TRMT61A: variants seen among roughly 807,000 people sequenced by gnomAD.
TRMT61A encodes tRNA (adenine(58)-N(1))-methyltransferase catalytic subunit TRMT61A.
Under a neutral mutation model 21.3 loss-of-function variants are expected in TRMT61A, and 15 were observed. The ratio of observed to expected loss-of-function variants is 0.70; its 90% CI spans 0.47 to 1.08. The LOEUF is 1.08. TRMT61A is among the 50% of genes least tolerant of loss of function. The pLI, the probability that TRMT61A is intolerant of heterozygous loss-of-function variation, is 0.00. For missense variants in TRMT61A, 352 were observed against 426.7 expected (o/e 0.83, Z 1.54); for synonymous variants, 183 against 185.5 (o/e 0.99, Z 0.11).
Position 103,534,619 on chromosome 14 carries a change from G to A in TRMT61A, c.668G>A (p.Arg223His), listed in dbSNP as rs199930951. 2.7e-5 allele frequency: 44 copies of A among 1,606,812 alleles called. No homozygotes were observed. In the Middle Eastern group the frequency reaches 5.0e-4, roughly 18 times the overall value. ...VQRTCQALAA[R>H]GFSELSTLEV... Reference sequence around the variant, plus strand: ...CGCACATGCCAGGCGCTGGCAGCGCGCGGCTTCTCAGAGCTGAGCACCCTG... The same window carrying A: ...CGCACATGCCAGGCGCTGGCAGCGCACGGCTTCTCAGAGCTGAGCACCCTG... Residue 223 changes from arginine to histidine, a missense_variant, in exon 4 of 4, where the codon CGC becomes CAC. Transcript: ENST00000389749.
intron 2 of TRMT61A, among the ~76,000 whole-genome samples, chr14:103,532,204 T>A: frequency 6.6e-6 from 1 of 151,894 alleles, no homozygotes. Flanking sequence ...CAGGGCTGAG[T>A]GATGGGATGG....
intron 2 of TRMT61A, 92 bp from the exon 3 acceptor site, chr14:103,532,490 T>A: frequency 6.7e-7 from 1 of 1,489,590 alleles, no homozygotes; most frequent in South Asian, 1.2e-5. Context: ...CCTGTGTGGG[T>A]CTCCAGGGTG....
Position 103,532,601 on chromosome 14 carries a change from G to A in TRMT61A, c.351G>A (p.Val117=), listed in dbSNP as rs1396298936. The change falls in exon 3 of 4, where the codon GTG becomes GTA. Residue 117 remains valine, a synonymous_variant. Coordinates refer to ENST00000389749, the MANE Select transcript of TRMT61A (RefSeq NM_152307.3). ...TGCCAGGCACCGGCAGTGGCTCTGT[G>A]TCCCACGCCATCATCCGCACCATTG... ...VCESGTGSGS[V]SHAIIRTIAP... 1.2e-6 allele frequency: 2 copies of A among 1,613,266 alleles called. No individual in the cohort carries two copies. Among genetic ancestry groups the A allele is most frequent in the African/African-American group, 1.3e-5 (1 of 74,938 alleles).
chr14:103,534,702 G>C lies in TRMT61A; in HGVS notation c.751G>C (p.Gly251Arg), dbSNP rs1378467886. The C allele has an allele frequency of 3.1e-6, 5 of 1,607,612 alleles. No individual in the cohort carries two copies. The highest frequency in any genetic ancestry group is 3.4e-6 in the Non-Finnish European group (4 of 1,179,322). The part of the protein sequence containing the change: ...RTVSLPPPDL[G>R]TGTDGPAGSD... ...TGTCAGCCTGCCACCGCCCGACCTGGGCACAGGCACAGATGGCCCTGCCGG... is the reference window on the plus strand; with the variant it reads ...TGTCAGCCTGCCACCGCCCGACCTGCGCACAGGCACAGATGGCCCTGCCGG... Residue 251 changes from glycine to arginine, a missense_variant, in exon 4 of 4, where the codon GGC (glycine) becomes CGC (arginine). Gly to Arg is a moderately radical substitution (Grantham distance 125). Transcript: ENST00000389749.
In TRMT61A at chr14:103,534,819, TA is replaced by T; in HGVS notation, c.869del (p.Ter290TrpfsTer14). 6.5e-7 allele frequency: 1 copy of T among 1,546,050 alleles called. No homozygotes were observed. Among genetic ancestry groups the T allele is most frequent in the East Asian group, 2.4e-5 (1 of 42,132 alleles). ...GACCTTCGCCACCAAGACCCCAGGC[TA>T]GGGGGCCGCCTCCCAGGGCACCAGG... is the stretch of plus-strand genomic sequence containing the variant. ...YLTFATKTPG[*>X] is the part of the protein sequence containing the mutation. On this transcript the variant is annotated frameshift_variant and stop_lost, in exon 4 of 4. Coordinates refer to ENST00000389749, the MANE Select transcript of TRMT61A (RefSeq NM_152307.3). LOFTEE classifies it high-confidence loss of function.
In TRMT61A at chr14:103,535,079, C is replaced by G; in HGVS notation, c.*258C>G. 1.5e-6 allele frequency: 1 copy of G among 687,134 alleles called. No individual in the cohort carries two copies. Among genetic ancestry groups the G allele is most frequent in the Non-Finnish European group, 2.7e-6 (1 of 375,798 alleles). 42.6% of individuals were successfully genotyped at this position (687,134 alleles called of 1,614,324 possible). On this transcript the variant is annotated 3_prime_UTR_variant, in exon 4 of 4. Transcript: ENST00000389749. ...GTTTGTTGCCAATATGAAGTATCCA[C>G]TGCCACAGGCTCCCCTGGGTGTTGA...
rs113672343 is a variant in TRMT61A, at chr14:103,534,513, C to T, written c.599-37C>T. 227 of 1,529,960 alleles carry T rather than the reference C, an allele frequency of 1.5e-4. 4 individuals carry two copies. In the African/African-American group the frequency reaches 2.8e-3, roughly 19 times the overall value. The allele number at this position is 1,529,960 out of a possible 1,614,324, so 94.8% of individuals were successfully genotyped here. A position where few individuals can be genotyped will look rare whatever the true frequency, so the allele number is the denominator to read the frequency against. ...GGGCCAGACGGGCCAGGCTCTGCCA[C>T]CCCTGCCCTCTGACCCTCGGGTCCT... is the stretch of plus-strand genomic sequence containing the variant. On this transcript the variant is annotated intron_variant, in intron 3 of 3. Coordinates refer to ENST00000389749, the MANE Select transcript of TRMT61A (RefSeq NM_152307.3).
chr14:103,535,546 G>C lies in TRMT61A; in HGVS notation c.*725G>C, dbSNP rs141032191. 2,591 of 338,054 alleles carry C rather than the reference G, an allele frequency of 7.7e-3. 57 individuals are homozygous for C. Among genetic ancestry groups the C allele is most frequent in the African/African-American group, 0.051 (2,365 of 46,202 alleles). 20.9% of individuals were successfully genotyped at this position (338,054 alleles called of 1,614,324 possible). On this transcript the variant is annotated 3_prime_UTR_variant, in exon 4 of 4. Transcript: ENST00000389749. Reference sequence around the variant, plus strand: ...GGCAGCGCTGCGGAGAGGAGCGGCAGAGTGGGTTGTCTGCCGCAGGCAACC... The same window carrying C: ...GGCAGCGCTGCGGAGAGGAGCGGCACAGTGGGTTGTCTGCCGCAGGCAACC...
At position 103,532,844 on chromosome 14, in the gene TRMT61A, C is replaced by T. The variant is rs563404267; in HGVS notation, c.594C>T (p.Val198=). ...GCCACGCCTGGGACGCCCTCAAGGTCGAAGGTGCATCCGGGGTTCCGGGAG... is the reference window on the plus strand; with the variant it reads ...GCCACGCCTGGGACGCCCTCAAGGTTGAAGGTGCATCCGGGGTTCCGGGAG... ...AVGHAWDALK[V]EGGRFCSFSP... The change falls in exon 3 of 4, where the codon GTC becomes GTT. Residue 198 remains valine, a synonymous_variant. Coordinates refer to ENST00000389749, the MANE Select transcript of TRMT61A (RefSeq NM_152307.3). 1.2e-5 allele frequency: 19 copies of T among 1,542,416 alleles called. No individual in the cohort carries two copies. Among genetic ancestry groups the T allele is most frequent in the African/African-American group, 8.2e-5 (6 of 72,816 alleles).
In TRMT61A at chr14:103,530,248, AGACATCGCC is replaced by A; in HGVS notation, c.271_279del (p.Asp91_Ala93del). The A allele has an allele frequency of 6.2e-7, 1 of 1,608,400 alleles. No individual in the cohort carries two copies. Among genetic ancestry groups the A allele is most frequent in the South Asian group, 1.1e-5 (1 of 90,974 alleles). On this transcript the variant is annotated inframe_deletion, in exon 2 of 4. Transcript: ENST00000389749. ...ACCGCACGCAGATCCTCTACTCCAC[AGACATCGCC>A]CTCATCACCATGATGTTGGAGCTTC...
chr14:103,534,912 C>A lies in TRMT61A; in HGVS notation c.*91C>A. ...ACCTTATATGGTCAGCGATGCCTGC[C>A]AGACACAGACGGTGGGGTGGGGCTT... is the stretch of plus-strand genomic sequence containing the variant. On this transcript the variant is annotated 3_prime_UTR_variant, in exon 4 of 4. Transcript: ENST00000389749. 6.7e-7 allele frequency: 1 copy of A among 1,492,988 alleles called. No individual in the cohort carries two copies. The highest frequency in any genetic ancestry group is 1.2e-5 in the South Asian group (1 of 82,498). The allele number at this position is 1,492,988 out of a possible 1,614,324, so 92.5% of individuals were successfully genotyped here. A position where few individuals can be genotyped will look rare whatever the true frequency, so the allele number is the denominator to read the frequency against.
rs1230227834 is a variant in TRMT61A at position 103,530,162 on chromosome 14, C to A, written c.184C>A (p.Arg62=). ...RPFGSKVTCG[R]GGWVYVLHPT... ...CTTCGGCTCCAAGGTGACGTGCGGC[C>A]GAGGTGGCTGGGTGTATGTGCTGCA... The change falls in exon 2 of 4, where the codon CGA becomes AGA. Residue 62 remains arginine, a synonymous_variant. Coordinates refer to ENST00000389749, the MANE Select transcript of TRMT61A (RefSeq NM_152307.3). 6.2e-7 allele frequency: 1 copy of A among 1,612,804 alleles called. No homozygotes were observed.
rs1427063783 is a variant in TRMT61A, at chr14:103,535,088, G to A, written c.*267G>A. The A allele has an allele frequency of 1.5e-6, 1 of 678,464 alleles. No homozygotes were observed. Among genetic ancestry groups the A allele is most frequent in the Non-Finnish European group, 2.7e-6 (1 of 369,986 alleles). The allele number at this position is 678,464 out of a possible 1,614,324, so 42.0% of individuals were successfully genotyped here. A position where few individuals can be genotyped will look rare whatever the true frequency, so the allele number is the denominator to read the frequency against. On this transcript the variant is annotated 3_prime_UTR_variant, in exon 4 of 4. Coordinates refer to ENST00000389749, the MANE Select transcript of TRMT61A (RefSeq NM_152307.3). ...CAATATGAAGTATCCACTGCCACAG[G>A]CTCCCCTGGGTGTTGAAGCCAAAGG...
rs368483959 is a variant in TRMT61A at position 103,534,608 on chromosome 14, G to T, written c.657G>T (p.Ala219=). The T allele has an allele frequency of 6.2e-5, 100 of 1,603,584 alleles. No individual in the cohort carries two copies. Among genetic ancestry groups the T allele is most frequent in the Non-Finnish European group, 8.1e-5 (95 of 1,173,628 alleles). The change falls in exon 4 of 4, where the codon GCG becomes GCT. Residue 219 remains alanine, a synonymous_variant. Coordinates refer to ENST00000389749, the MANE Select transcript of TRMT61A (RefSeq NM_152307.3). The part of the protein sequence containing the change: ...CIEQVQRTCQ[A]LAARGFSELS... ...AGCAGGTGCAACGCACATGCCAGGCGCTGGCAGCGCGCGGCTTCTCAGAGC... is the reference window on the plus strand; with the variant it reads ...AGCAGGTGCAACGCACATGCCAGGCTCTGGCAGCGCGCGGCTTCTCAGAGC...
Position 103,529,940 on chromosome 14 carries a change from C to T in TRMT61A, c.-29-10C>T, listed in dbSNP as rs2075947850. 2.6e-6 allele frequency: 4 copies of T among 1,551,762 alleles called. No homozygotes were observed. Among genetic ancestry groups the T allele is most frequent in the East Asian group, 2.4e-5 (1 of 42,318 alleles). On this transcript the variant is annotated splice_polypyrimidine_tract_variant and intron_variant, in intron 1 of 3. Transcript: ENST00000389749. ...CTGACTTGCTCATGCCTACACACACCCCTCCCCAGGTCCTTGGCCCTTGCC... is the reference window on the plus strand; with the variant it reads ...CTGACTTGCTCATGCCTACACACACTCCTCCCCAGGTCCTTGGCCCTTGCC...
chr14:103,535,678 A>C lies in TRMT61A; in HGVS notation c.*857A>C. 1 of 290,852 alleles carries C rather than the reference A, an allele frequency of 3.4e-6. No homozygotes were observed. Among genetic ancestry groups the C allele is most frequent in the Non-Finnish European group, 6.8e-6 (1 of 146,294 alleles). 18.0% of individuals were successfully genotyped at this position (290,852 alleles called of 1,614,324 possible). On this transcript the variant is annotated 3_prime_UTR_variant, in exon 4 of 4. Coordinates refer to ENST00000389749, the MANE Select transcript of TRMT61A (RefSeq NM_152307.3). Reference sequence around the variant, plus strand: ...CCAAGGGCATGGAGGAGGTCCCTCCACAGTGACAACGGTGTGGGGTAGGGG... The same window carrying C: ...CCAAGGGCATGGAGGAGGTCCCTCCCCAGTGACAACGGTGTGGGGTAGGGG...
At chr14:103,530,913 G>A (rs1207389335) in intron 2 of TRMT61A, among the ~76,000 whole-genome samples, 1 of 152,204 alleles carries the variant, frequency 6.6e-6, no homozygotes, top group Non-Finnish European at 1.5e-5. Context: ...TGTTCCTCCC[G>A]GGCAGGAGAG....
rs1206271563 is a variant in TRMT61A, at chr14:103,531,916, G to A, written c.332-666G>A. On this transcript the variant is annotated intron_variant, in intron 2 of 3. Transcript: ENST00000389749. This position sits in a 1 kb window ranked among gnomAD's most constrained non-coding sequence, Gnocchi z 5.1. ...CATAAGACAGGAAGTCAAGCAGAGG[G>A]GCCATCTTGAGGGAAGCTGGGGAGG... 6.6e-6 allele frequency among the ~76,000 whole-genome samples: 1 copy of A among 151,978 alleles called. No individual in the cohort carries two copies. The highest frequency in any genetic ancestry group is 1.5e-5 in the Non-Finnish European group (1 of 67,978).
Position 103,529,222 on chromosome 14 carries a change from C to A in TRMT61A, c.-69C>A. 1 of 297,692 alleles carries A rather than the reference C, an allele frequency of 3.4e-6. No individual in the cohort carries two copies. Among genetic ancestry groups the A allele is most frequent in the Non-Finnish European group, 6.9e-6 (1 of 145,296 alleles). 18.4% of individuals were successfully genotyped at this position (297,692 alleles called of 1,614,324 possible). On this transcript the variant is annotated 5_prime_UTR_variant, in exon 1 of 4. Transcript: ENST00000389749. ...TTGTGGCCGCCGCCGCCGCGCGTCG[C>A]GGAGGCACGTGTGGAGCCCCGGCAG...
Sources: allele counts gnomAD v4.1 joint callset (sites outside exome capture counted in the v4.1 genomes callset), GRCh38; gene constraint gnomAD v4.1.1; non-coding constraint Gnocchi (gnomAD v3.1); transcripts MANE v1.5; gene names NCBI Gene and HGNC (gene_info 2026-07-23, HGNC 2026-07-21).